Variants in CCDC149 observed in about 807,000 individuals in gnomAD.
CCDC149 encodes coiled-coil domain-containing protein 149.
In CCDC149, 45 loss-of-function variants were observed where a neutral mutation model predicts 59.9. That is an observed-to-expected ratio of 0.75 (90% CI 0.59 to 0.96). The LOEUF is 0.96. CCDC149 is among the 40% of genes least tolerant of loss of function. The pLI is 0.00. For missense variants in CCDC149, 584 were observed against 664.7 expected (o/e 0.88, Z 1.33); for synonymous variants, 245 against 260.6 (o/e 0.94, Z 0.58).
chr4:24,832,486 C>T (rs1716222791), intron 8 of CCDC149, among the ~76,000 whole-genome samples: 1 of 152,200 alleles, frequency 6.6e-6, no homozygotes, highest in African/African-American at 2.4e-5. Context: ...AGCCAAACAA[C>T]ACACACAGTT....
At chr4:24,896,669 T>C (rs1935621777) in intron 1 of CCDC149, among the ~76,000 whole-genome samples, 1 of 151,878 alleles carries the variant, frequency 6.6e-6, no homozygotes, top group African/African-American at 2.4e-5. Flanking sequence ...GGAAGGAAGG[T>C]AAAGAAGGGA....
chr4:24,872,116 G>T (rs545232166), intron 3 of CCDC149, among the ~76,000 whole-genome samples: 1 of 152,184 alleles, frequency 6.6e-6, no homozygotes, highest in East Asian at 1.9e-4. Context: ...AAAACAATAA[G>T]AATAATGTGG....
chr4:24,860,723 T>C (rs1718324666), intron 3 of CCDC149, among the ~76,000 whole-genome samples: 1 of 152,002 alleles, frequency 6.6e-6, no homozygotes, highest in Non-Finnish European at 1.5e-5. Flanking sequence ...ATCCAGAATC[T>C]ACAAGGAACT....
intron 1 of CCDC149, among the ~76,000 whole-genome samples, chr4:24,952,779 ACT>A (rs1399846488): frequency 6.6e-6 from 1 of 150,854 alleles, no homozygotes; most frequent in Non-Finnish European, 1.5e-5. Flanking sequence ...CGTCATCGGA[ACT>A]CTTTTTATCT....
chr4:24,956,145 G>T (rs1207342862), intron 1 of CCDC149, among the ~76,000 whole-genome samples: 1 of 152,080 alleles, frequency 6.6e-6, no homozygotes, highest in Non-Finnish European at 1.5e-5. Context: ...CAAATTAACT[G>T]GGTGTATGCT....
At chr4:24,813,489 A>AATATATATATATATATAT (rs57650226) in intron 12 of CCDC149, among the ~76,000 whole-genome samples, 18 of 113,718 alleles carry the variant, frequency 1.6e-4, no homozygotes, top group South Asian at 2.9e-4. Context: ...CAGCTTGGGG[A>AATATATATATATATATAT]ATATATATAT....
chr4:24,874,561 AAC>A (rs1438535944), intron 2 of CCDC149, among the ~76,000 whole-genome samples: 1 of 151,904 alleles, frequency 6.6e-6, no homozygotes, highest in Non-Finnish European at 1.5e-5. Context: ...CAGCCTGGGC[AAC>A]AGAGTGAGAC....
chr4:24,820,494 T>A (rs113552466), intron 11 of CCDC149, among the ~76,000 whole-genome samples: 6 of 152,134 alleles, frequency 3.9e-5, no homozygotes, highest in Non-Finnish European at 8.8e-5. Flanking sequence ...ATTTGACTCC[T>A]ACTTTGGGAA....
At chr4:24,865,430 G>C (rs1718637656) in intron 3 of CCDC149, among the ~76,000 whole-genome samples, 1 of 152,182 alleles carries the variant, frequency 6.6e-6, no homozygotes, top group Non-Finnish European at 1.5e-5. Flanking sequence ...TGTGTTAACA[G>C]TAATAGAGTG....
intron 1 of CCDC149, among the ~76,000 whole-genome samples, chr4:24,965,002 T>C (rs764590828): frequency 6.0e-5 from 9 of 151,116 alleles, no homozygotes; most frequent in Non-Finnish European, 1.0e-4. Context: ...AATTAAAACA[T>C]TTTCAGATAA....
chr4:24,977,940 C>T (rs540296625), intron 1 of CCDC149, among the ~76,000 whole-genome samples: 1 of 152,184 alleles, frequency 6.6e-6, no homozygotes, highest in African/African-American at 2.4e-5. Flanking sequence ...CAAGTCCAGC[C>T]TGGGTAACAT....
intron 1 of CCDC149, among the ~76,000 whole-genome samples, chr4:24,947,047 A>T (rs1723131012): frequency 6.6e-6 from 1 of 152,204 alleles, no homozygotes; most frequent in African/African-American, 2.4e-5. Context: ...CAGGACAGTA[A>T]TAATATTTTT....
chr4:24,959,176 A>G (rs113461422), intron 1 of CCDC149, among the ~76,000 whole-genome samples: 26,805 of 152,052 alleles, frequency 0.18, 3,183 homozygotes, highest in African/African-American at 0.32. Context: ...GTGTTTCACC[A>G]TGTTAGCCAG....
rs1020523511 is a variant in CCDC149 at position 24,837,899 on chromosome 4, C to G, written c.489+257G>C. 1.8e-4 allele frequency among the ~76,000 whole-genome samples: 28 copies of G among 152,224 alleles called. No homozygotes were observed. Among genetic ancestry groups the G allele is most frequent in the Non-Finnish European group, 8.8e-5 (6 of 68,038 alleles). ...TTGTCACGTGTTGTTCTCTCCCTGTCTATCCTGGCTAGGAGGAACGTTTCT... is the reference window on the plus strand; with the variant it reads ...TTGTCACGTGTTGTTCTCTCCCTGTGTATCCTGGCTAGGAGGAACGTTTCT... On this transcript the variant is annotated intron_variant, in intron 5 of 12. Coordinates refer to ENST00000635206, the MANE Select transcript of CCDC149 (RefSeq NM_001330643.2). The surrounding 1 kb of genome is among the most constrained non-coding windows in gnomAD (Gnocchi z 4.3).
At chr4:24,934,863 G>A (rs764036518) in intron 1 of CCDC149, among the ~76,000 whole-genome samples, 6 of 152,212 alleles carry the variant, frequency 3.9e-5, no homozygotes, top group East Asian at 3.9e-4. Context: ...CTGAGAATAC[G>A]ATAAGTAAAC....
chr4:24,971,738 G>C (rs148346084), intron 1 of CCDC149, among the ~76,000 whole-genome samples: 1 of 152,216 alleles, frequency 6.6e-6, no homozygotes, highest in Non-Finnish European at 1.5e-5. Context: ...ATGATGGGAA[G>C]AGGGGGCCAG....
intron 1 of CCDC149, among the ~76,000 whole-genome samples, chr4:24,937,767 C>A (rs1722827070): frequency 6.6e-6 from 1 of 152,164 alleles, no homozygotes; most frequent in South Asian, 2.1e-4. Context: ...CCATGTGACT[C>A]CTCCTAACTG....
At chr4:24,828,122 C>G (rs1463497777) in intron 9 of CCDC149, 1 of 151,940 alleles carries the variant, frequency 6.6e-6, no homozygotes, top group Non-Finnish European at 1.5e-5. Context: ...AAGTATGAAA[C>G]AGAGGACCCC....
At chr4:24,843,755 T>A (rs1717083343) in intron 4 of CCDC149, among the ~76,000 whole-genome samples, 1 of 152,166 alleles carries the variant, frequency 6.6e-6, no homozygotes, top group Non-Finnish European at 1.5e-5. Context: ...TGCTAGCAGC[T>A]TTCCTTAGAC....
Sources: gnomAD v4.1 joint callset for allele counts (sites outside exome capture counted in the v4.1 genomes callset) on GRCh38, gnomAD v4.1.1 for gene constraint, Gnocchi (gnomAD v3.1) non-coding constraint, MANE v1.5 for transcripts, NCBI Gene and HGNC (gene_info 2026-07-23, HGNC 2026-07-21) for gene names.